The following AXDND1 variants were observed in gnomAD, a reference collection of about 807,000 sequenced individuals.
AXDND1 encodes axonemal dynein light chain domain containing 1.
Under a neutral mutation model 137.5 loss-of-function variants are expected in AXDND1, and 110 were observed. The ratio of observed to expected loss-of-function variants is 0.80; its 90% CI spans 0.69 to 0.94. AXDND1 has a LOEUF of 0.94. Ranked by LOEUF, AXDND1 falls within the 40% of genes least tolerant of loss-of-function variation. The pLI is 0.00. For synonymous variants in AXDND1, 414 were observed against 399.7 expected (o/e 1.04, Z -0.43); for missense variants, 1,191 against 1,169.8 (o/e 1.02, Z -0.26).
intron 16 of AXDND1, among the ~76,000 whole-genome samples, chr1:179,461,592 T>G (rs1662331333): frequency 6.6e-6 from 1 of 152,142 alleles, no homozygotes; most frequent in African/African-American, 2.4e-5. Flanking sequence ...GTGAAGAAAG[T>G]CATTGGTAGC....
chr1:179,445,066 G>GA lies in AXDND1; in HGVS notation c.1661dup (p.Asp554GlufsTer8), dbSNP rs1252876296. 2 of 1,613,556 alleles carry GA rather than the reference G, an allele frequency of 1.2e-6. No homozygotes were observed. Among genetic ancestry groups the GA allele is most frequent in the South Asian group, 2.2e-5 (2 of 91,052 alleles). The stretch of plus-strand genomic sequence containing the variant: ...TAAACATTTACAGGAAAACTGGGCA[G>GA]ATATTGGGCTTGGGATATTTAATCG... On this transcript the variant is annotated frameshift_variant, in exon 16 of 26. Transcript: ENST00000367618. LOFTEE classifies it high-confidence loss of function.
At chr1:179,406,587 TC>T (rs1373928881) in intron 11 of AXDND1, among the ~76,000 whole-genome samples, 1 of 152,164 alleles carries the variant, frequency 6.6e-6, no homozygotes, top group Non-Finnish European at 1.5e-5. Flanking sequence ...CCTGAATTGA[TC>T]CCTTTATCTT....
chr1:179,448,240 A>G, intron 16 of AXDND1: 2 of 792,320 alleles, frequency 2.5e-6, no homozygotes, highest in South Asian at 1.4e-5. Flanking sequence ...GGTTAATTAT[A>G]TTCTGTATAC....
intron 9 of AXDND1, among the ~76,000 whole-genome samples, chr1:179,391,410 A>G (rs989727665): frequency 2.6e-5 from 4 of 152,042 alleles, no homozygotes; most frequent in African/African-American, 9.7e-5. Context: ...TAATCCCCAC[A>G]TGTTGTGGAA....
At chr1:179,535,878 A>G (rs1194605620) in intron 25 of AXDND1, among the ~76,000 whole-genome samples, 3 of 152,178 alleles carry the variant, frequency 2.0e-5, no homozygotes, top group African/African-American at 7.2e-5. Context: ...CATCCTCTCC[A>G]GCATCTGTTG....
At chr1:179,550,996 C>G in intron 25 of AXDND1, 1 of 727,082 alleles carries the variant, frequency 1.4e-6, no homozygotes, top group Non-Finnish European at 2.3e-6. Context: ...TCTGCCTTCT[C>G]TGTCATTACA....
Position 179,445,133 on chromosome 1 carries a change from A to T in AXDND1, c.1727A>T (p.Tyr576Phe), listed in dbSNP as rs779598839. The change falls in exon 16 of 26, where the codon TAC (tyrosine) becomes TTC (phenylalanine). Residue 576 changes from tyrosine (Y) to phenylalanine (F), a missense_variant. Coordinates refer to ENST00000367618, the MANE Select transcript of AXDND1 (RefSeq NM_144696.6). ...LEGEMPSERQ[Y>F]MEEIIKNIQK... ...GGGGAGATGCCATCAGAGCGACAGT[A>T]CATGGAGGAAATTATCAAAAACATA... 4 of 1,612,770 alleles carry T rather than the reference A, an allele frequency of 2.5e-6. No homozygotes were observed. The highest frequency in any genetic ancestry group is 3.4e-6 in the Non-Finnish European group (4 of 1,179,124).
intron 18 of AXDND1, among the ~76,000 whole-genome samples, chr1:179,487,484 C>T (rs1666208572): frequency 9.2e-6 from 1 of 108,702 alleles, no homozygotes; most frequent in South Asian, 3.6e-4. Flanking sequence ...GGTAATGGTT[C>T]AAAAAACTGA....
intron 21 of AXDND1, among the ~76,000 whole-genome samples, chr1:179,523,260 G>T (rs1451675714): frequency 6.8e-6 from 1 of 146,160 alleles, no homozygotes; most frequent in Admixed American, 6.8e-5. Context: ...TTTTTTTGAG[G>T]CAGCAATTTC....
intron 16 of AXDND1, chr1:179,455,999 A>G (rs1235218160): frequency 1.7e-5 from 6 of 347,012 alleles, no homozygotes; most frequent in Admixed American, 7.8e-5. Context: ...AATGCTTTAC[A>G]CTTTTCACAG....
At chr1:179,464,444 C>T (rs563486189) in intron 16 of AXDND1, among the ~76,000 whole-genome samples, 4 of 152,244 alleles carry the variant, frequency 2.6e-5, no homozygotes, top group Admixed American at 2.0e-4. Context: ...ATATTGGCCC[C>T]CACTCTCTTC....
intron 17 of AXDND1, among the ~76,000 whole-genome samples, chr1:179,478,687 C>T (rs1664936799): frequency 6.6e-6 from 1 of 152,212 alleles, no homozygotes; most frequent in Non-Finnish European, 1.5e-5. Flanking sequence ...TTTGGCTCCT[C>T]ATTACTTATG....
intron 21 of AXDND1, among the ~76,000 whole-genome samples, chr1:179,517,100 G>C (rs1006454691): frequency 2.0e-5 from 3 of 152,182 alleles, no homozygotes; most frequent in African/African-American, 7.2e-5. Flanking sequence ...TCTGAGCTCA[G>C]ATTCTTCTTG....
chr1:179,409,602 C>T (rs899343157), intron 11 of AXDND1, among the ~76,000 whole-genome samples: 2 of 151,996 alleles, frequency 1.3e-5, no homozygotes, highest in African/African-American at 4.8e-5. Context: ...GATGTTTAGC[C>T]AGGTACGGTG....
intron 10 of AXDND1, among the ~76,000 whole-genome samples, chr1:179,394,525 G>A (rs920515595): frequency 6.7e-6 from 1 of 149,414 alleles, no homozygotes; most frequent in African/African-American, 2.5e-5. Context: ...GGGAGGTGGA[G>A]GTTGCAGTGA....
At chr1:179,495,897 T>C (rs1667394256) in intron 20 of AXDND1, among the ~76,000 whole-genome samples, 1 of 43,924 alleles carries the variant, frequency 2.3e-5, no homozygotes, top group South Asian at 6.6e-4. Flanking sequence ...CTGAAAATTC[T>C]TTTTTTTTTT....
In AXDND1 at chr1:179,368,802, C is replaced by G. The variant is rs1169406119; in HGVS notation, c.100C>G (p.Leu34Val). The change falls in exon 3 of 26, where the codon CTT (leucine) becomes GTT (valine). Residue 34 changes from leucine (L) to valine (V), a missense_variant and splice_region_variant. Physicochemically the swap from Leu to Val is conservative, Grantham distance 32. Transcript: ENST00000367618. ...TTTCTTTTCCACTACTTACTTAGGA[C>G]TTCCTGAGCTAAAGGAGAAAAAAAA... is the stretch of plus-strand genomic sequence containing the variant. ...VSVAKEGTRG[L>V]PELKEKKNMV... The G allele has an allele frequency of 8.7e-6, 14 of 1,605,888 alleles. No homozygotes were observed. The highest frequency in any genetic ancestry group is 2.7e-5 in the African/African-American group (2 of 74,312).
intron 17 of AXDND1, among the ~76,000 whole-genome samples, chr1:179,479,993 A>G (rs1004945329): frequency 1.3e-5 from 2 of 152,188 alleles, no homozygotes; most frequent in Non-Finnish European, 2.9e-5. Context: ...TATCATTATC[A>G]GCATTTTGGT....
In AXDND1 at chr1:179,370,090, A is replaced by C. The variant is rs1315016080; in HGVS notation, c.374+12A>C. ...ACAGGAGCTGGAAGGTAAAGAAGGA[A>C]GATAGTAGGATAGATGCTGATAAAT... On this transcript the variant is annotated intron_variant, in intron 4 of 25. Transcript: ENST00000367618. 1 of 1,582,442 alleles carries C rather than the reference A, an allele frequency of 6.3e-7. No individual in the cohort carries two copies. Among genetic ancestry groups the C allele is most frequent in the South Asian group, 1.1e-5 (1 of 89,768 alleles).
Sources: gnomAD v4.1 joint callset for allele counts (sites outside exome capture counted in the v4.1 genomes callset) on GRCh38, gnomAD v4.1.1 for gene constraint, MANE v1.5 for transcripts, NCBI Gene and HGNC (gene_info 2026-07-23, HGNC 2026-07-21) for gene names.